The following PXDNL variants were observed in gnomAD, a reference collection of about 807,000 sequenced individuals.
PXDNL encodes the protein probable oxidoreductase PXDNL.
PXDNL carries 145 observed loss-of-function variants against 150.8 expected under a neutral mutation model. That is an observed-to-expected ratio of 0.96 (90% CI 0.84 to 1.10). The LOEUF (loss-of-function observed/expected upper bound fraction) is 1.10, where lower values mean the gene tolerates loss of function less well. Ranked by LOEUF, PXDNL falls within the 50% of genes least tolerant of loss-of-function variation. The pLI, the probability that PXDNL is intolerant of heterozygous loss-of-function variation, is 0.00. For synonymous variants in PXDNL, 757 were observed against 725.7 expected (o/e 1.04, Z -0.69); for missense variants, 2,087 against 1,873.9 (o/e 1.11, Z -2.10).
chr8:51,333,231 C>T (rs998258912), intron 21 of PXDNL, among the ~76,000 whole-genome samples: 4 of 151,942 alleles, frequency 2.6e-5, no homozygotes, highest in African/African-American at 2.4e-5. Context: ...TTGTAAACAG[C>T]GAAACTAAGC....
rs755851546 is a variant in PXDNL, at chr8:51,509,065, C to T, written c.381-9295G>A. On this transcript the variant is annotated intron_variant, in intron 4 of 22. Coordinates refer to ENST00000356297, the MANE Select transcript of PXDNL (RefSeq NM_144651.5). ...ACAGCAAAGCAACCAACTGGTCCCC[C>T]ACCCTTGCCAGGCCATAGCCTATTG... 3.9e-5 allele frequency among the ~76,000 whole-genome samples: 6 copies of T among 152,250 alleles called. No homozygotes were observed. In the South Asian group the frequency reaches 1.0e-3, roughly 26 times the overall value.
chr8:51,493,987 C>T (rs923767164), intron 5 of PXDNL, among the ~76,000 whole-genome samples: 1 of 152,162 alleles, frequency 6.6e-6, no homozygotes, highest in African/African-American at 2.4e-5. Flanking sequence ...GTCAGATTCA[C>T]CAAAGTTGAA....
At chr8:51,386,796 GAC>G (rs1807728664) in intron 17 of PXDNL, among the ~76,000 whole-genome samples, 1 of 149,956 alleles carries the variant, frequency 6.7e-6, no homozygotes, top group Non-Finnish European at 1.5e-5. Flanking sequence ...CAGCCTGAGT[GAC>G]AGATGACAGA....
At chr8:51,411,550 G>A (rs2130898130) in intron 15 of PXDNL, 143 bp from the exon 16 acceptor site, 1 of 685,136 alleles carries the variant, frequency 1.5e-6, no homozygotes, top group Non-Finnish European at 2.2e-6. Flanking sequence ...GCTCTACAGA[G>A]GAGCTGTGGG....
At position 51,506,927 on chromosome 8, in the gene PXDNL, G is replaced by A. The variant is rs367619565; in HGVS notation, c.381-7157C>T. The stretch of plus-strand genomic sequence containing the variant: ...AATTCATTATCTCTGGAAACTCTCC[G>A]ATTTTTTTCATAGTGTCTAACAGTC... On this transcript the variant is annotated intron_variant, in intron 4 of 22. Coordinates refer to ENST00000356297, the MANE Select transcript of PXDNL (RefSeq NM_144651.5). Among the ~76,000 whole-genome samples the A allele has an allele frequency of 2.6e-4, 40 of 152,180 alleles. 1 individual carries two copies. The highest frequency in any genetic ancestry group is 2.1e-3 in the East Asian group (11 of 5,182).
chr8:51,368,641 G>A (rs1190967529), intron 19 of PXDNL, among the ~76,000 whole-genome samples: 1 of 152,154 alleles, frequency 6.6e-6, no homozygotes, highest in African/African-American at 2.4e-5. Flanking sequence ...AGGACTGCTT[G>A]GAGTGGCCAT....
chr8:51,699,396 C>T (rs1446036033), intron 1 of PXDNL, among the ~76,000 whole-genome samples: 2 of 152,200 alleles, frequency 1.3e-5, no homozygotes, highest in Non-Finnish European at 2.9e-5. Flanking sequence ...TCAAATCTCC[C>T]AGCCTTCATA....
chr8:51,334,101 T>C (rs1318035132), intron 21 of PXDNL, among the ~76,000 whole-genome samples: 3 of 94,818 alleles, frequency 3.2e-5, no homozygotes, highest in African/African-American at 1.2e-4. Flanking sequence ...TTAAGAAAAT[T>C]GAAATCATAT....
intron 4 of PXDNL, among the ~76,000 whole-genome samples, chr8:51,520,757 T>C (rs1413374714): frequency 6.6e-6 from 1 of 151,888 alleles, no homozygotes; most frequent in African/African-American, 2.4e-5. Context: ...GAAGCCTGCA[T>C]ACCTCAGCAC....
intron 1 of PXDNL, among the ~76,000 whole-genome samples, chr8:51,737,744 G>T (rs1400791710): frequency 1.1e-5 from 1 of 91,992 alleles, no homozygotes; most frequent in Admixed American, 1.5e-4. Context: ...TTTCTGCAAA[G>T]TTCACTGTCA....
intron 1 of PXDNL, among the ~76,000 whole-genome samples, chr8:51,804,239 C>T (rs2037651960): frequency 6.6e-6 from 1 of 152,166 alleles, no homozygotes; most frequent in South Asian, 2.1e-4. Context: ...CAAATGGTTA[C>T]ATTCTTTTGA....
chr8:51,479,379 G>C lies in PXDNL; in HGVS notation c.525-4238C>G, dbSNP rs117190562. On this transcript the variant is annotated intron_variant, in intron 6 of 22. Coordinates refer to ENST00000356297, the MANE Select transcript of PXDNL (RefSeq NM_144651.5). ...CCAAAAAAGGAGAGAAAACAGACAA[G>C]TAGAAAATAATACACAATATTTCTC... Among the ~76,000 whole-genome samples, 1,248 of 152,250 alleles carry C rather than the reference G, an allele frequency of 8.2e-3. 7 individuals are homozygous for C. The highest frequency in any genetic ancestry group is 0.013 in the Non-Finnish European group (909 of 68,008).
chr8:51,576,020 G>A (rs1036809599), intron 3 of PXDNL, among the ~76,000 whole-genome samples: 7 of 150,500 alleles, frequency 4.7e-5, no homozygotes, highest in Non-Finnish European at 7.4e-5. Context: ...GAAAACATGC[G>A]AAGCAAAAAA....
intron 2 of PXDNL, among the ~76,000 whole-genome samples, chr8:51,608,343 T>G (rs868658539): frequency 4.5e-5 from 6 of 134,538 alleles, no homozygotes; most frequent in Admixed American, 2.3e-4. Context: ...GAGCCGAGAT[T>G]GCACCACTGC....
chr8:51,570,413 T>G (rs1812909508), intron 3 of PXDNL, among the ~76,000 whole-genome samples: 1 of 151,970 alleles, frequency 6.6e-6, no homozygotes, highest in African/African-American at 2.4e-5. Flanking sequence ...CCTGAGCAGT[T>G]TGTTTGTGTT....
intron 4 of PXDNL, among the ~76,000 whole-genome samples, chr8:51,529,069 T>C (rs1419693036): frequency 1.3e-5 from 2 of 152,206 alleles, no homozygotes; most frequent in African/African-American, 4.8e-5. Flanking sequence ...GTTATAAACA[T>C]TATGGACGAT....
At chr8:51,345,119 C>T (rs1032840137) in intron 20 of PXDNL, among the ~76,000 whole-genome samples, 4 of 152,180 alleles carry the variant, frequency 2.6e-5, no homozygotes, top group Non-Finnish European at 5.9e-5. Flanking sequence ...CTTGAAAGAA[C>T]CTGCATGGAC....
intron 1 of PXDNL, among the ~76,000 whole-genome samples, chr8:51,748,225 A>G (rs1481342317): frequency 1.3e-5 from 2 of 152,248 alleles, no homozygotes; most frequent in Non-Finnish European, 2.9e-5. Flanking sequence ...AGTTTGCATC[A>G]GTAATTGATT....
intron 17 of PXDNL, among the ~76,000 whole-genome samples, chr8:51,389,990 A>G (rs1022432704): frequency 4.6e-5 from 7 of 152,182 alleles, no homozygotes; most frequent in Admixed American, 4.6e-4. Flanking sequence ...ATTCATTTTC[A>G]ATTATTATTT....
Sources: gnomAD v4.1 joint callset for allele counts (sites outside exome capture counted in the v4.1 genomes callset) on GRCh38, gnomAD v4.1.1 for gene constraint, MANE v1.5 for transcripts, NCBI Gene and HGNC (gene_info 2026-07-23, HGNC 2026-07-21) for gene names.